The following PRKAG2 variants were observed in gnomAD, a reference collection of about 807,000 sequenced individuals.
PRKAG2 encodes protein kinase AMP-activated non-catalytic subunit gamma 2, also known as 5'-AMP-activated protein kinase subunit gamma-2.
PRKAG2 carries 26 observed loss-of-function variants against 69.6 expected under a neutral mutation model. That is an observed-to-expected ratio of 0.37 (90% CI 0.27 to 0.52). The LOEUF (loss-of-function observed/expected upper bound fraction) is 0.52, where lower values mean the gene tolerates loss of function less well. Ranked by LOEUF, PRKAG2 falls within the 20% of genes least tolerant of loss-of-function variation. The pLI is 0.90. For synonymous variants in PRKAG2, 293 were observed against 285.0 expected (o/e 1.03, Z -0.28); for missense variants, 557 against 740.0 (o/e 0.75, Z 2.87).
At chr7:151,669,075 G>A (rs146045806) in intron 4 of PRKAG2, among the ~76,000 whole-genome samples, 4 of 152,286 alleles carry the variant, frequency 2.6e-5, no homozygotes, top group Non-Finnish European at 4.4e-5. Flanking sequence ...ATAAGGAAAC[G>A]CACTCCTTTC....
intron 3 of PRKAG2, among the ~76,000 whole-genome samples, chr7:151,755,959 G>C (rs932141366): frequency 1.1e-4 from 17 of 152,148 alleles, no homozygotes; most frequent in Non-Finnish European, 2.9e-5. Flanking sequence ...GGAGGCTGCG[G>C]GGCCCTCCCA....
intron 3 of PRKAG2, among the ~76,000 whole-genome samples, chr7:151,739,260 G>GA (rs1351673070): frequency 6.6e-6 from 1 of 152,162 alleles, no homozygotes; most frequent in African/African-American, 2.4e-5. Flanking sequence ...CTGCCTAGGG[G>GA]ACCTGACCCA....
chr7:151,721,406 G>A (rs1366687059), intron 3 of PRKAG2, among the ~76,000 whole-genome samples: 8 of 150,994 alleles, frequency 5.3e-5, no homozygotes, highest in Admixed American at 4.6e-4. Context: ...GGCCAGGGCC[G>A]GGGCCGAGGC....
chr7:151,715,527 T>TC (rs1471700185), intron 3 of PRKAG2, among the ~76,000 whole-genome samples: 1 of 149,520 alleles, frequency 6.7e-6, no homozygotes, highest in Non-Finnish European at 1.5e-5. Context: ...CTAATTTTTT[T>TC]GTATTTTTAG....
rs199985555 is a variant in PRKAG2, at chr7:151,564,098, C to A, written c.1564G>T (p.Asp522Tyr). The change falls in exon 14 of 16, where the codon GAC becomes TAC. Residue 522 changes from aspartate (D) to tyrosine (Y), a missense_variant. By Grantham distance (160) the Asp-to-Tyr change is radical. This residue lies in a region of PRKAG2 where 205 missense variants were observed against 383.4 expected (regional missense o/e 0.53). Transcript: ENST00000287878. ...NKLEILETIV[D>Y]RIVRAEVHRL... ...CTCACCTCAGCTCTTACTATTCTGT[C>A]CACGATGGTCTCCAGTATTTCCAGC... The A allele has an allele frequency of 6.2e-7, 1 of 1,614,142 alleles. No homozygotes were observed. The highest frequency in any genetic ancestry group is 1.3e-5 in the African/African-American group (1 of 75,030).
chr7:151,763,573 T>C (rs892411786), intron 3 of PRKAG2, among the ~76,000 whole-genome samples: 2 of 152,214 alleles, frequency 1.3e-5, no homozygotes, highest in Non-Finnish European at 2.9e-5. Flanking sequence ...TTTCCTTCCC[T>C]TCCTGGCTAC....
At chr7:151,844,834 T>TA (rs1448281969) in intron 1 of PRKAG2, among the ~76,000 whole-genome samples, 5 of 152,214 alleles carry the variant, frequency 3.3e-5, no homozygotes, top group African/African-American at 1.2e-4. Context: ...ACTGGATGAA[T>TA]AAATCGGTAT....
At chr7:151,612,986 A>C (rs949664815) in intron 5 of PRKAG2, among the ~76,000 whole-genome samples, 7 of 152,144 alleles carry the variant, frequency 4.6e-5, no homozygotes, top group African/African-American at 1.7e-4. Context: ...GGGGCTCCTC[A>C]CTGGCTAAGC....
In PRKAG2 at chr7:151,798,297, C is replaced by T. The variant is rs533352970; in HGVS notation, c.115-11756G>A. On this transcript the variant is annotated intron_variant, in intron 1 of 15. Transcript: ENST00000287878. ...GATTAGAGGTGTGAGCTACCGTGTC[C>T]GGCCTGTTTTTTTGTTTGTTCGTTT... 4.2e-4 allele frequency among the ~76,000 whole-genome samples: 64 copies of T among 151,920 alleles called. 2 individuals carry two copies. The highest frequency in any genetic ancestry group is 6.8e-3 in the Middle Eastern group (2 of 292).
intron 3 of PRKAG2, among the ~76,000 whole-genome samples, chr7:151,713,942 C>T (rs1001628282): frequency 5.9e-5 from 9 of 152,152 alleles, no homozygotes; most frequent in African/African-American, 2.2e-4. Flanking sequence ...ATGAAAAATG[C>T]AAATTTCCTG....
At chr7:151,842,078 T>TGATGATGGTAGTGATGGTAGGTAGG (rs1563746565) in intron 1 of PRKAG2, among the ~76,000 whole-genome samples, 12 of 133,516 alleles carry the variant, frequency 9.0e-5, no homozygotes, top group African/African-American at 3.6e-4. Context: ...TGGTAGGTAG[T>TGATGATGGTAGTGATGGTAGGTAGG]GATGATGGTA....
chr7:151,584,527 T>A (rs758560174), intron 6 of PRKAG2, among the ~76,000 whole-genome samples: 4 of 150,754 alleles, frequency 2.7e-5, no homozygotes, highest in Non-Finnish European at 5.9e-5. Flanking sequence ...GAAAAAACAA[T>A]GGGAAAAGAA....
At position 151,814,726 on chromosome 7, in the gene PRKAG2, G is replaced by A. The variant is rs2078589312; in HGVS notation, c.115-28185C>T. The A allele has an allele frequency of 1.6e-6, 2 of 1,231,692 alleles. No individual in the cohort carries two copies. Among genetic ancestry groups the A allele is most frequent in the Non-Finnish European group, 2.0e-6 (2 of 988,016 alleles). The allele number at this position is 1,231,692 out of a possible 1,614,324, so 76.3% of individuals were successfully genotyped here. A position where few individuals can be genotyped will look rare whatever the true frequency, so the allele number is the denominator to read the frequency against. On this transcript the variant is annotated intron_variant, in intron 1 of 15. Transcript: ENST00000287878. This position sits in a 1 kb window ranked among gnomAD's most constrained non-coding sequence, Gnocchi z 4.8. The stretch of plus-strand genomic sequence containing the variant: ...AGCGGCTGGCAGACAGCATGGGCTG[G>A]CCTAAGACAGCGCAGGCAACGGTCT...
chr7:151,757,109 G>A (rs958836886), intron 3 of PRKAG2, among the ~76,000 whole-genome samples: 2 of 152,100 alleles, frequency 1.3e-5, no homozygotes, highest in African/African-American at 4.8e-5. Flanking sequence ...TTTGTTCTGC[G>A]GGGCAAGCTG....
chr7:151,792,730 C>T (rs575999934), intron 1 of PRKAG2, among the ~76,000 whole-genome samples: 4 of 152,372 alleles, frequency 2.6e-5, no homozygotes, highest in Admixed American at 2.6e-4. Context: ...ATATCAGGGT[C>T]ACGATACAAC....
In PRKAG2 at chr7:151,781,690, G is replaced by A. The variant is rs2076679648; in HGVS notation, c.187-259C>T. 6.6e-6 allele frequency among the ~76,000 whole-genome samples: 1 copy of A among 152,144 alleles called. No homozygotes were observed. The highest frequency in any genetic ancestry group is 1.5e-5 in the Non-Finnish European group (1 of 68,004). ...ACCATCCTGTCCCACTCCTTAGAAG[G>A]GGCTTCCAGGAGGTAGAGGGGAGGA... On this transcript the variant is annotated intron_variant, in intron 2 of 15. Coordinates refer to ENST00000287878, the MANE Select transcript of PRKAG2 (RefSeq NM_016203.4). The surrounding 1 kb of genome is among the most constrained non-coding windows in gnomAD (Gnocchi z 6.1).
intron 1 of PRKAG2, among the ~76,000 whole-genome samples, chr7:151,841,319 T>C (rs943654793): frequency 1.3e-5 from 2 of 152,110 alleles, no homozygotes; most frequent in Non-Finnish European, 2.9e-5. Context: ...TAGGTAGTGA[T>C]GGTAGTGATG....
At chr7:151,560,194 G>C in intron 15 of PRKAG2, 1 of 1,196,872 alleles carries the variant, frequency 8.4e-7, no homozygotes, top group South Asian at 1.8e-5. Flanking sequence ...TATGTTTCTG[G>C]TCACTAGTTC....
intron 3 of PRKAG2, among the ~76,000 whole-genome samples, chr7:151,703,339 G>A (rs956039308): frequency 6.6e-6 from 1 of 152,186 alleles, no homozygotes; most frequent in Non-Finnish European, 1.5e-5. Context: ...TTTTACCAAT[G>A]AGCAAATAAA....
Sources: allele counts gnomAD v4.1 joint callset (sites outside exome capture counted in the v4.1 genomes callset), GRCh38; gene constraint gnomAD v4.1.1; regional missense constraint gnomAD v4.1.1; non-coding constraint Gnocchi (gnomAD v3.1); transcripts MANE v1.5; gene names NCBI Gene and HGNC (gene_info 2026-07-23, HGNC 2026-07-21).